PLCH1: variants seen among roughly 807,000 people sequenced by gnomAD.
PLCH1 encodes 1-phosphatidylinositol 4,5-bisphosphate phosphodiesterase eta-1.
PLCH1 carries 60 observed loss-of-function variants against 126.7 expected under a neutral mutation model. The ratio of observed to expected loss-of-function variants is 0.47; its 90% CI spans 0.38 to 0.59. The LOEUF (loss-of-function observed/expected upper bound fraction) is 0.59, where lower values mean the gene tolerates loss of function less well. PLCH1 is among the 20% of genes least tolerant of loss of function. The probability of loss-of-function intolerance (pLI) is 0.00; values close to 1 mark genes in which losing one functional copy is unlikely to be tolerated. For synonymous variants in PLCH1, 719 were observed against 734.9 expected (o/e 0.98, Z 0.35); for missense variants, 1,723 against 2,040.0 (o/e 0.84, Z 2.99).
At chr3:155,712,751 A>C (rs1747225929) in intron 1 of PLCH1, among the ~76,000 whole-genome samples, 1 of 151,656 alleles carries the variant, frequency 6.6e-6, no homozygotes, top group Non-Finnish European at 1.5e-5. Context: ...AAATAAATAA[A>C]TAAATAAATA....
intron 2 of PLCH1, among the ~76,000 whole-genome samples, chr3:155,605,696 T>C (rs551754564): frequency 9.8e-4 from 149 of 152,206 alleles, no homozygotes; most frequent in Admixed American, 2.6e-3. Context: ...CCTTTTGCAA[T>C]GGCAGCCCGA....
intron 2 of PLCH1, chr3:155,676,217 T>G: frequency 7.8e-7 from 1 of 1,276,332 alleles, no homozygotes; most frequent in Non-Finnish European, 1.0e-6. Context: ...TCTTCACAAT[T>G]CAGGCTTTAT....
chr3:155,653,677 A>G (rs1741039476), intron 2 of PLCH1, among the ~76,000 whole-genome samples: 1 of 152,082 alleles, frequency 6.6e-6, no homozygotes, highest in Admixed American at 6.6e-5. Context: ...CAAATCTCCA[A>G]TATCCTTCCC....
At chr3:155,594,776 T>G (rs983460553) in intron 3 of PLCH1, among the ~76,000 whole-genome samples, 1 of 152,088 alleles carries the variant, frequency 6.6e-6, no homozygotes, top group African/African-American at 2.4e-5. Context: ...AAAATAGATA[T>G]GTCAATTGAA....
chr3:155,473,213 T>C (rs2107985162), intron 21 of PLCH1, among the ~76,000 whole-genome samples: 1 of 151,522 alleles, frequency 6.6e-6, no homozygotes, highest in African/African-American at 2.4e-5. Context: ...CTTCAGCTGA[T>C]AAGCAACTTC....
Position 155,481,015 on chromosome 3 carries a change from G to T in PLCH1, c.5011C>A (p.Pro1671Thr), listed in dbSNP as rs201420584. 25 of 1,608,726 alleles carry T rather than the reference G, an allele frequency of 1.6e-5. No homozygotes were observed. The highest frequency in any genetic ancestry group is 1.7e-4 in the Middle Eastern group (1 of 6,044). Residue 1671 changes from proline to threonine, a missense_variant, in exon 23 of 23, where the codon CCA (proline) becomes ACA (threonine). Pro to Thr is a conservative substitution (Grantham distance 38). This residue lies in a region of PLCH1 where 947 missense variants were observed against 977.1 expected (regional missense o/e 0.97). Transcript: ENST00000460012. The surrounding 1 kb of genome is among the most constrained non-coding windows in gnomAD (Gnocchi z 4.2). ...ATTTCTGGTTTATCATCACTGCTTG[G>T]CTCAGTCTGCAAAACAGAATTATCT... ...CSDNSVLQTE[P>T]SSDDKPEIYF... is the part of the protein sequence containing the mutation.
chr3:155,542,600 C>T (rs1352980795), intron 10 of PLCH1, among the ~76,000 whole-genome samples: 1 of 152,146 alleles, frequency 6.6e-6, no homozygotes, highest in Non-Finnish European at 1.5e-5. Context: ...GGGTCCCTGA[C>T]CCCTGACCCC....
At chr3:155,623,139 T>C (rs371439551) in intron 2 of PLCH1, among the ~76,000 whole-genome samples, 3 of 151,140 alleles carry the variant, frequency 2.0e-5, no homozygotes, top group East Asian at 1.9e-4. Context: ...ACATGGAAAC[T>C]GAATCCTGAA....
At chr3:155,462,190 G>GTAAAATTCAGAGCATTACCAGCTGT in intron 21 of PLCH1, among the ~76,000 whole-genome samples, 2 of 152,138 alleles carry the variant, frequency 1.3e-5, no homozygotes, top group African/African-American at 4.8e-5. Context: ...TGAGAGGTTG[G>GTAAAATTCAGAGCATTACCAGCTGT]GGTTGTTGCT....
At chr3:155,582,493 T>C (rs764497176) in intron 6 of PLCH1, among the ~76,000 whole-genome samples, 3 of 152,126 alleles carry the variant, frequency 2.0e-5, no homozygotes, top group Non-Finnish European at 2.9e-5. Context: ...TATTAAAAAA[T>C]TGGAAAGTGT....
At chr3:155,697,769 G>T (rs1465347010) in intron 2 of PLCH1, among the ~76,000 whole-genome samples, 4 of 152,224 alleles carry the variant, frequency 2.6e-5, no homozygotes, top group African/African-American at 9.6e-5. Flanking sequence ...AAGGCATGAG[G>T]CTGAAGCAAG....
At chr3:155,501,447 T>C (rs1012428650) in intron 13 of PLCH1, among the ~76,000 whole-genome samples, 2 of 152,094 alleles carry the variant, frequency 1.3e-5, no homozygotes. Context: ...TATGATTTCA[T>C]CCCCACCAAT....
chr3:155,481,650 T>C lies in PLCH1; in HGVS notation c.4376A>G (p.Asp1459Gly). ...CTGCTTGGGTACAGGGACATGCATATCTTGAGCACTAGATTGCTGGGGCAC... is the reference window on the plus strand; with the variant it reads ...CTGCTTGGGTACAGGGACATGCATACCTTGAGCACTAGATTGCTGGGGCAC... ...TCVPQQSSAQ[D>G]MHVPVPKQLA... is the part of the protein sequence containing the mutation. Residue 1459 changes from aspartate (D) to glycine (G), a missense_variant, in exon 23 of 23, where the codon GAT (aspartate) becomes GGT (glycine). By Grantham distance (94) the Asp-to-Gly change is moderately conservative. Coordinates refer to ENST00000460012, the MANE Select transcript of PLCH1 (RefSeq NM_014996.4). This position sits in a 1 kb window ranked among gnomAD's most constrained non-coding sequence, Gnocchi z 4.2. 1.2e-6 allele frequency: 2 copies of C among 1,614,108 alleles called. No individual in the cohort carries two copies. Among genetic ancestry groups the C allele is most frequent in the East Asian group, 2.2e-5 (1 of 44,864 alleles).
intron 2 of PLCH1, among the ~76,000 whole-genome samples, chr3:155,635,140 TA>T (rs60547934): frequency 0.49 from 72,452 of 147,452 alleles, 19,659 homozygotes; most frequent in African/African-American, 0.73. Flanking sequence ...ATTTCTTAAT[TA>T]AAAAAAAAAA....
chr3:155,714,049 T>G (rs563889358), intron 1 of PLCH1, among the ~76,000 whole-genome samples: 1 of 152,092 alleles, frequency 6.6e-6, no homozygotes, highest in South Asian at 2.1e-4. Context: ...GACAGTAATA[T>G]TCATAAAACA....
At chr3:155,462,334 C>T (rs560155077) in intron 21 of PLCH1, among the ~76,000 whole-genome samples, 15 of 152,208 alleles carry the variant, frequency 9.9e-5, no homozygotes, top group African/African-American at 3.1e-4. Flanking sequence ...AAACAACTGA[C>T]GGTTGACATC....
chr3:155,735,371 C>T (rs929038067), intron 1 of PLCH1, among the ~76,000 whole-genome samples: 3 of 149,982 alleles, frequency 2.0e-5, no homozygotes, highest in East Asian at 2.0e-4. Flanking sequence ...CAGTGGCTCA[C>T]GCCTGTAATC....
At chr3:155,585,961 C>T (rs1181041303) in intron 5 of PLCH1, 104 bp downstream of exon 5, 2 of 896,104 alleles carry the variant, frequency 2.2e-6, no homozygotes, top group African/African-American at 1.7e-5. Context: ...GTACAGAGCA[C>T]ATATATTAGC....
At chr3:155,664,341 C>T (rs1019044427) in intron 2 of PLCH1, among the ~76,000 whole-genome samples, 2 of 152,194 alleles carry the variant, frequency 1.3e-5, no homozygotes, top group Non-Finnish European at 1.5e-5. Context: ...TTCAACCCTT[C>T]GGTCAAGACT....
Sources: allele counts gnomAD v4.1 joint callset (sites outside exome capture counted in the v4.1 genomes callset), GRCh38; gene constraint gnomAD v4.1.1; regional missense constraint gnomAD v4.1.1; non-coding constraint Gnocchi (gnomAD v3.1); transcripts MANE v1.5; gene names NCBI Gene and HGNC (gene_info 2026-07-23, HGNC 2026-07-21).